Variants in GOLGA4 observed in about 807,000 individuals in gnomAD.
GOLGA4 encodes golgin subfamily A member 4.
A neutral mutation model predicts 265.9 loss-of-function variants in GOLGA4; 169 were observed. The observed-to-expected ratio is 0.64, with a 90% CI of 0.56 to 0.72. GOLGA4 has a LOEUF of 0.72. Ranked by LOEUF, GOLGA4 falls within the 30% of genes least tolerant of loss-of-function variation. The probability of loss-of-function intolerance (pLI) is 0.00; values close to 1 mark genes in which losing one functional copy is unlikely to be tolerated. For synonymous variants in GOLGA4, 923 were observed against 855.8 expected (o/e 1.08, Z -1.37); for missense variants, 2,482 against 2,483.4 (o/e 1.00, Z 0.01).
At chr3:37,269,305 C>A (rs1054794171) in intron 2 of GOLGA4, among the ~76,000 whole-genome samples, 6 of 152,162 alleles carry the variant, frequency 3.9e-5, no homozygotes, top group Non-Finnish European at 7.3e-5. Context: ...TGAGCCCTTA[C>A]TACTAGTCAG....
intron 16 of GOLGA4, among the ~76,000 whole-genome samples, chr3:37,329,504 G>A (rs554666970): frequency 1.3e-5 from 2 of 152,174 alleles, no homozygotes; most frequent in Non-Finnish European, 2.9e-5. Context: ...AACTTAGCTG[G>A]AATCTTTCTG....
At chr3:37,300,210 G>C (rs62241869) in intron 9 of GOLGA4, among the ~76,000 whole-genome samples, 3,283 of 152,270 alleles carry the variant, frequency 0.022, 44 homozygotes, top group Non-Finnish European at 0.036. Flanking sequence ...CTAAAGCTAC[G>C]CAGCAAAGAC....
chr3:37,345,946 CAAA>C (rs879491782), intron 20 of GOLGA4, among the ~76,000 whole-genome samples: 5 of 111,148 alleles, frequency 4.5e-5, no homozygotes, highest in Admixed American at 9.3e-5. Context: ...GACTCCATCT[CAAA>C]AAAAAAAAAA....
intron 20 of GOLGA4, among the ~76,000 whole-genome samples, chr3:37,340,469 C>T (rs1444607831): frequency 6.6e-6 from 1 of 152,098 alleles, no homozygotes; most frequent in Non-Finnish European, 1.5e-5. Flanking sequence ...TTAAAATCTA[C>T]TCTTTTCACA....
At chr3:37,292,816 G>T (rs189138979) in intron 5 of GOLGA4, among the ~76,000 whole-genome samples, 1 of 152,266 alleles carries the variant, frequency 6.6e-6, no homozygotes, top group African/African-American at 2.4e-5. Flanking sequence ...CTTATTTCAC[G>T]ATGGATCTCT....
intron 7 of GOLGA4, among the ~76,000 whole-genome samples, chr3:37,296,493 T>G (rs2096878691): frequency 6.6e-6 from 1 of 152,218 alleles, no homozygotes; most frequent in African/African-American, 2.4e-5. Context: ...TCCGTGGTCC[T>G]AATAGTTTCA....
Position 37,306,725 on chromosome 3 carries a change from G to A in GOLGA4, c.1234+4393G>A, listed in dbSNP as rs550298063. On this transcript the variant is annotated intron_variant, in intron 10 of 23. Transcript: ENST00000361924. ...TTTGTATGTTCTTCTCCCCCATTTAGCATTATGTTATTGACACTTTTACGT... is the reference window on the plus strand; with the variant it reads ...TTTGTATGTTCTTCTCCCCCATTTAACATTATGTTATTGACACTTTTACGT... 1.2e-4 allele frequency among the ~76,000 whole-genome samples: 18 copies of A among 151,666 alleles called. No individual in the cohort carries two copies. The East Asian group carries it at 3.5e-3, about 29-fold the overall frequency.
Position 37,244,704 on chromosome 3 carries a change from T to C in GOLGA4, c.72+1082T>C, listed in dbSNP as rs78200573. ...TTATTCTGAAACTATAAATTGAAGT[T>C]GTTCTTTTTAAATGTAAAGCTCATG... On this transcript the variant is annotated intron_variant, in intron 1 of 23. Coordinates refer to ENST00000361924, the MANE Select transcript of GOLGA4 (RefSeq NM_002078.5). 7.9e-3 allele frequency among the ~76,000 whole-genome samples: 1,200 copies of C among 152,356 alleles called. 7 individuals carry two copies. Among genetic ancestry groups the C allele is most frequent in the Admixed American group, 0.014 (209 of 15,310 alleles).
chr3:37,262,834 C>A (rs1343625275), intron 2 of GOLGA4, among the ~76,000 whole-genome samples: 1 of 151,944 alleles, frequency 6.6e-6, no homozygotes, highest in Non-Finnish European at 1.5e-5. Context: ...TGATGTGCCT[C>A]ATAATGATGT....
intron 21 of GOLGA4, among the ~76,000 whole-genome samples, chr3:37,349,086 A>G (rs1053442526): frequency 1.3e-5 from 2 of 152,142 alleles, no homozygotes; most frequent in Non-Finnish European, 2.9e-5. Context: ...TCTGGCTCTA[A>G]AAATGAAGAG....
At chr3:37,311,380 A>G (rs2096922771) in intron 10 of GOLGA4, among the ~76,000 whole-genome samples, 1 of 152,216 alleles carries the variant, frequency 6.6e-6, no homozygotes, top group South Asian at 2.1e-4. Context: ...AAGAAGTATA[A>G]CATACTGCAT....
intron 17 of GOLGA4, among the ~76,000 whole-genome samples, chr3:37,336,232 T>C (rs2097011973): frequency 6.6e-6 from 1 of 152,208 alleles, no homozygotes; most frequent in South Asian, 2.1e-4. Context: ...TTTCTTTTTT[T>C]GCCATTTAGT....
chr3:37,364,390 G>A (rs1578909933), intron 23 of GOLGA4, among the ~76,000 whole-genome samples: 2 of 151,670 alleles, frequency 1.3e-5, no homozygotes, highest in African/African-American at 2.4e-5. Context: ...ACAGGTGCCC[G>A]CCACCACACC....
chr3:37,301,191 C>T (rs374949364), intron 9 of GOLGA4, among the ~76,000 whole-genome samples: 7 of 152,180 alleles, frequency 4.6e-5, no homozygotes, highest in African/African-American at 1.4e-4. Context: ...AAGTGAACCA[C>T]CTCATTTTTT....
intron 7 of GOLGA4, 94 bp downstream of exon 7, chr3:37,296,313 G>A: frequency 1.6e-6 from 2 of 1,228,216 alleles, no homozygotes; most frequent in Non-Finnish European, 2.3e-6. Context: ...TGGGAGGCCA[G>A]TGTGGGAGGA....
In GOLGA4 at chr3:37,327,724, T is replaced by C; in HGVS notation, c.5838T>C (p.Ile1946=). The change falls in exon 14 of 24, where the codon ATT becomes ATC. Residue 1946 remains isoleucine (I), a synonymous_variant. Coordinates refer to ENST00000361924, the MANE Select transcript of GOLGA4 (RefSeq NM_002078.5). ...EREKQKLGKE[I]VRLQKDLRML... Reference sequence around the variant, plus strand: ...AGAAACAGAAACTGGGCAAGGAGATTGTTAGATTGCAGAAAGACCTTCGAA... The same window carrying C: ...AGAAACAGAAACTGGGCAAGGAGATCGTTAGATTGCAGAAAGACCTTCGAA... 1 of 1,613,720 alleles carries C rather than the reference T, an allele frequency of 6.2e-7. No individual in the cohort carries two copies. Among genetic ancestry groups the C allele is most frequent in the Non-Finnish European group, 8.5e-7 (1 of 1,179,692 alleles).
rs1356196605 is a variant in GOLGA4, at chr3:37,324,414, C to T, written c.2528C>T (p.Ala843Val). The T allele has an allele frequency of 6.2e-7, 1 of 1,614,152 alleles. No individual in the cohort carries two copies. The highest frequency in any genetic ancestry group is 2.2e-5 in the East Asian group (1 of 44,886). The part of the protein sequence containing the change: ...TERILLTKQV[A>V]EVEAQKKDVC... ...AGAATTCTTCTTACCAAACAGGTTG[C>T]TGAAGTTGAAGCACAAAAGAAAGAT... The change falls in exon 14 of 24, where the codon GCT becomes GTT. Residue 843 changes from alanine to valine, a missense_variant. Ala to Val is a moderately conservative substitution (Grantham distance 64). Around this residue, in one of 3 missense-constraint regions of GOLGA4, gnomAD observed 1,536 missense variants for 1,483.7 expected, o/e 1.04. Transcript: ENST00000361924.
At chr3:37,296,040 C>T (rs750123321) in intron 6 of GOLGA4, 47 bp from the exon 7 acceptor site, 2 of 1,555,770 alleles carry the variant, frequency 1.3e-6, no homozygotes, top group Non-Finnish European at 8.9e-7. Context: ...TTGTACTACT[C>T]CCATAGTTTT....
chr3:37,315,710 TG>T, intron 11 of GOLGA4, 112 bp downstream of exon 11: 1 of 898,492 alleles, frequency 1.1e-6, no homozygotes, highest in Non-Finnish European at 1.7e-6. Context: ...AGACATTGAC[TG>T]TTTTCTGATA....
Sources: allele counts gnomAD v4.1 joint callset (sites outside exome capture counted in the v4.1 genomes callset), GRCh38; gene constraint gnomAD v4.1.1; regional missense constraint gnomAD v4.1.1; transcripts MANE v1.5; gene names NCBI Gene and HGNC (gene_info 2026-07-23, HGNC 2026-07-21).